The following PEX14 variants were observed in gnomAD, a reference collection of about 807,000 sequenced individuals.
PEX14 encodes the protein peroxisomal membrane protein PEX14.
In PEX14, 15 loss-of-function variants were observed where a neutral mutation model predicts 49.5. The observed-to-expected ratio is 0.30, with a 90% CI of 0.20 to 0.47. PEX14 has a LOEUF of 0.47. Among genes scored for constraint, PEX14 ranks in the 20% least tolerant of loss-of-function variants. The probability of loss-of-function intolerance (pLI) is 1.00; values close to 1 mark genes in which losing one functional copy is unlikely to be tolerated. For synonymous variants in PEX14, 210 were observed against 212.7 expected, an observed-to-expected ratio of 0.99 and a Z score of 0.11; for missense variants, 398 against 494.8, an observed-to-expected ratio of 0.80 and a Z score of 1.86.
chr1:10,545,621 G>C (rs1320549968), intron 3 of PEX14, among the ~76,000 whole-genome samples: 1 of 152,232 alleles, frequency 6.6e-6, no homozygotes, highest in Non-Finnish European at 1.5e-5. Flanking sequence ...ATCTGGGTTT[G>C]AATCCTAGCT....
At chr1:10,599,173 A>C in intron 3 of PEX14, 65 bp from the exon 4 acceptor site, 1 of 1,555,338 alleles carries the variant, frequency 6.4e-7, no homozygotes, top group Middle Eastern at 1.7e-4. Context: ...CTCAGTGAAG[A>C]TTCTGTTGCA....
At chr1:10,582,820 G>A (rs934968614) in intron 3 of PEX14, among the ~76,000 whole-genome samples, 2 of 152,004 alleles carry the variant, frequency 1.3e-5, no homozygotes, top group Admixed American at 6.6e-5. Flanking sequence ...TGTGACCTCC[G>A]CCTCCCGGAT....
At position 10,514,150 on chromosome 1, in the gene PEX14, A is replaced by G. The variant is rs557743222; in HGVS notation, c.84+18829A>G. Among the ~76,000 whole-genome samples the G allele has an allele frequency of 2.0e-3, 263 of 130,348 alleles. 2 individuals carry two copies. Among genetic ancestry groups the G allele is most frequent in the African/African-American group, 7.3e-3 (248 of 33,978 alleles). The allele number at this position is 130,348 out of a possible 152,430, so 85.5% of individuals were successfully genotyped here. ...AAGGAAAAAATGTATAAAATAATCTATGCCTCTGTGTGTGTGTGTGTGTGT... is the reference window on the plus strand; with the variant it reads ...AAGGAAAAAATGTATAAAATAATCTGTGCCTCTGTGTGTGTGTGTGTGTGT... On this transcript the variant is annotated intron_variant, in intron 2 of 8. Coordinates refer to ENST00000356607, the MANE Select transcript of PEX14 (RefSeq NM_004565.3). The surrounding 1 kb of genome is among the most constrained non-coding windows in gnomAD (Gnocchi z 4.4).
chr1:10,558,359 T>C (rs1639555489), intron 3 of PEX14, among the ~76,000 whole-genome samples: 1 of 152,094 alleles, frequency 6.6e-6, no homozygotes, highest in Non-Finnish European at 1.5e-5. Context: ...ATCTTCTTCT[T>C]GATCCCACCC....
In PEX14 at chr1:10,495,184, G is replaced by T; in HGVS notation, c.37-90G>T. 2 of 1,574,824 alleles carry T rather than the reference G, an allele frequency of 1.3e-6. No homozygotes were observed. Among genetic ancestry groups the T allele is most frequent in the South Asian group, 1.1e-5 (1 of 89,092 alleles). ...AGAGATGTGAGAAAGAGGTGCCAGC[G>T]TGCATCGTTTGAGAACGGAACATCT... On this transcript the variant is annotated intron_variant, in intron 1 of 8. Coordinates refer to ENST00000356607, the MANE Select transcript of PEX14 (RefSeq NM_004565.3). The surrounding 1 kb of genome is among the most constrained non-coding windows in gnomAD (Gnocchi z 4.2).
intron 3 of PEX14, among the ~76,000 whole-genome samples, chr1:10,562,017 T>C (rs988226639): frequency 6.6e-6 from 1 of 152,146 alleles, no homozygotes; most frequent in Non-Finnish European, 1.5e-5. Context: ...TATAGGTGTA[T>C]GCCACTGCGC....
At chr1:10,527,768 G>GTAATTCTC (rs1638533647) in intron 2 of PEX14, among the ~76,000 whole-genome samples, 1 of 151,944 alleles carries the variant, frequency 6.6e-6, no homozygotes, top group Non-Finnish European at 1.5e-5. Context: ...CTGCCTCCCA[G>GTAATTCTC]GTTCAAGTAA....
At chr1:10,604,137 C>T (rs1169021654) in intron 4 of PEX14, among the ~76,000 whole-genome samples, 5 of 152,178 alleles carry the variant, frequency 3.3e-5, no homozygotes, top group Admixed American at 6.5e-5. Context: ...GTAGGAAAGA[C>T]GGTTAGGCCA....
chr1:10,490,285 T>A (rs1246572018), intron 1 of PEX14, among the ~76,000 whole-genome samples: 1 of 152,138 alleles, frequency 6.6e-6, no homozygotes, highest in African/African-American at 2.4e-5. Flanking sequence ...CTATCTGGAG[T>A]CACAGTCACC....
intron 1 of PEX14, among the ~76,000 whole-genome samples, chr1:10,475,317 C>T (rs1641176078): frequency 6.6e-6 from 1 of 152,168 alleles, no homozygotes; most frequent in African/African-American, 2.4e-5. Context: ...GGGAAGTCCC[C>T]AGCCTTGAGC....
chr1:10,515,204 T>A (rs968097528), intron 2 of PEX14, among the ~76,000 whole-genome samples: 1 of 151,728 alleles, frequency 6.6e-6, no homozygotes, highest in African/African-American at 2.4e-5. Flanking sequence ...AGACTCTTAA[T>A]ACATTAAAAA....
intron 4 of PEX14, among the ~76,000 whole-genome samples, chr1:10,617,524 G>A (rs560881376): frequency 1.3e-4 from 20 of 151,970 alleles, no homozygotes; most frequent in African/African-American, 4.1e-4. Flanking sequence ...GCTCCTCTCC[G>A]TTCTCCCCAG....
chr1:10,614,285 C>T (rs1641350720), intron 4 of PEX14, among the ~76,000 whole-genome samples: 1 of 152,210 alleles, frequency 6.6e-6, no homozygotes, highest in Non-Finnish European at 1.5e-5. Flanking sequence ...ATTTCAGCTT[C>T]TTGTCTTTAT....
chr1:10,481,526 T>G (rs1026323215), intron 1 of PEX14, among the ~76,000 whole-genome samples: 1 of 151,988 alleles, frequency 6.6e-6, no homozygotes. Flanking sequence ...ACTGTAGCCT[T>G]GACCTCCTGG....
chr1:10,608,286 T>C (rs1641179146), intron 4 of PEX14, among the ~76,000 whole-genome samples: 1 of 152,178 alleles, frequency 6.6e-6, no homozygotes, highest in Admixed American at 6.5e-5. Context: ...AAGGTTCGTT[T>C]CTCCCCATAA....
chr1:10,585,784 T>C (rs927122665), intron 3 of PEX14, among the ~76,000 whole-genome samples: 1 of 152,220 alleles, frequency 6.6e-6, no homozygotes, highest in Admixed American at 6.5e-5. Flanking sequence ...TAATCCCAGC[T>C]ACTCCGGAGT....
Position 10,506,523 on chromosome 1 carries a change from C to T in PEX14, c.84+11202C>T, listed in dbSNP as rs557760155. ...AACTTGCGACCTCAGGTGATCCGCC[C>T]GCCTCGGCCTCCCAAAGTTCTGGGA... On this transcript the variant is annotated intron_variant, in intron 2 of 8. Coordinates refer to ENST00000356607, the MANE Select transcript of PEX14 (RefSeq NM_004565.3). 6.6e-5 allele frequency among the ~76,000 whole-genome samples: 10 copies of T among 152,282 alleles called. No individual in the cohort carries two copies. The East Asian group carries it at 1.2e-3, about 18-fold the overall frequency.
intron 3 of PEX14, among the ~76,000 whole-genome samples, chr1:10,563,421 G>A (rs1008691623): frequency 6.7e-6 from 1 of 150,064 alleles, no homozygotes; most frequent in East Asian, 2.1e-4. Context: ...CCAACATGAA[G>A]AAACCCCATC....
chr1:10,570,156 T>C (rs1639929471), intron 3 of PEX14, among the ~76,000 whole-genome samples: 1 of 152,162 alleles, frequency 6.6e-6, no homozygotes, highest in Non-Finnish European at 1.5e-5. Context: ...CCAATGTTTT[T>C]CCTGGGTATT....
Sources: gnomAD v4.1 joint callset for allele counts (sites outside exome capture counted in the v4.1 genomes callset) on GRCh38, gnomAD v4.1.1 for gene constraint, Gnocchi (gnomAD v3.1) non-coding constraint, MANE v1.5 for transcripts, NCBI Gene and HGNC (gene_info 2026-07-23, HGNC 2026-07-21) for gene names.